RAD51B: variants seen among roughly 807,000 people sequenced by gnomAD.
The protein encoded by RAD51B is RAD51 paralog B, also known as DNA repair protein RAD51 homolog 2.
RAD51B carries 38 observed loss-of-function variants against 42.2 expected under a neutral mutation model. That is an observed-to-expected ratio of 0.90 (90% CI 0.70 to 1.18). RAD51B has a LOEUF of 1.18. Among genes scored for constraint, RAD51B ranks in the 50% most tolerant of loss-of-function variants. RAD51B has a pLI of 0.00. For synonymous variants in RAD51B, 154 were observed against 145.2 expected (o/e 1.06, Z -0.43); for missense variants, 373 against 400.7 (o/e 0.93, Z 0.59).
At chr14:68,109,025 T>C (rs1402524771) in intron 7 of RAD51B, among the ~76,000 whole-genome samples, 1 of 151,994 alleles carries the variant, frequency 6.6e-6, no homozygotes, top group Non-Finnish European at 1.5e-5. Context: ...CAGAGCAATA[T>C]GATATATTTT....
intron 7 of RAD51B, among the ~76,000 whole-genome samples, chr14:67,947,058 G>A (rs2045420677): frequency 6.6e-6 from 1 of 152,160 alleles, no homozygotes; most frequent in Admixed American, 6.5e-5. Flanking sequence ...TAGGGTTGTG[G>A]TGAGGATTAG....
chr14:68,069,687 G>A (rs2076710378), intron 7 of RAD51B: 1 of 152,040 alleles, frequency 6.6e-6, no homozygotes, highest in Non-Finnish European at 1.5e-5. Context: ...ATCTACCATT[G>A]CTGTGCATCT....
At chr14:68,298,420 C>T (rs2081654734) in intron 8 of RAD51B, among the ~76,000 whole-genome samples, 1 of 152,140 alleles carries the variant, frequency 6.6e-6, no homozygotes, top group Admixed American at 6.5e-5. Context: ...CAAAAGGAGG[C>T]ACATTTGAAG....
chr14:68,338,169 G>A (rs867633480), intron 8 of RAD51B, among the ~76,000 whole-genome samples: 13 of 152,020 alleles, frequency 8.6e-5, no homozygotes, highest in Admixed American at 2.6e-4. Flanking sequence ...AAGGAATCAC[G>A]AGACTCTCAC....
At chr14:68,388,074 G>GTATA (rs1195024727) in intron 8 of RAD51B, among the ~76,000 whole-genome samples, 6 of 118,664 alleles carry the variant, frequency 5.1e-5, no homozygotes, top group South Asian at 2.4e-4. Flanking sequence ...GTGTGTGTGT[G>GTATA]TGTGTATATA....
At chr14:67,853,033 A>G (rs544603281) in intron 4 of RAD51B, among the ~76,000 whole-genome samples, 1 of 152,346 alleles carries the variant, frequency 6.6e-6, no homozygotes, top group South Asian at 2.1e-4. Flanking sequence ...GGGAAGGAAG[A>G]AAAGCTTAAA....
chr14:67,976,368 T>A (rs770654921), intron 7 of RAD51B, among the ~76,000 whole-genome samples: 137 of 152,114 alleles, frequency 9.0e-4, no homozygotes, highest in Non-Finnish European at 5.3e-4. Flanking sequence ...TCCTCTCATG[T>A]TGGCCTCCCA....
intron 10 of RAD51B, among the ~76,000 whole-genome samples, chr14:68,528,714 C>T: frequency 5.0e-5 from 1 of 20,062 alleles, no homozygotes; most frequent in Non-Finnish European, 1.0e-4. Context: ...GCTCTGTCGC[C>T]CAGGCCGGAC....
At chr14:68,659,009 A>AGGGAGGAAAGGC (rs1892879229) in intron 11 of RAD51B, among the ~76,000 whole-genome samples, 1 of 152,146 alleles carries the variant, frequency 6.6e-6, no homozygotes, top group Non-Finnish European at 1.5e-5. Context: ...GGCTGGCGGG[A>AGGGAGGAAAGGC]TGGTCTCTCC....
At chr14:68,546,712 G>A (rs938812177) in intron 10 of RAD51B, among the ~76,000 whole-genome samples, 1 of 152,126 alleles carries the variant, frequency 6.6e-6, no homozygotes, top group African/African-American at 2.4e-5. Context: ...GAGGAGCTGG[G>A]GGGAGGAGAC....
chr14:68,614,462 G>A (rs10143415), downstream of RAD51B, among the ~76,000 whole-genome samples: 30,866 of 151,836 alleles, frequency 0.2, 3,682 homozygotes, highest in African/African-American at 0.33. Context: ...ATCTAGTTCC[G>A]AATATTTTCA....
At chr14:68,569,300 A>T (rs1177708578) in intron 10 of RAD51B, among the ~76,000 whole-genome samples, 3 of 152,164 alleles carry the variant, frequency 2.0e-5, no homozygotes, top group Non-Finnish European at 4.4e-5. Flanking sequence ...CAACTTAAGG[A>T]GTAAAGGCCT....
At chr14:68,652,181 G>C (rs147836395) in intron 11 of RAD51B, among the ~76,000 whole-genome samples, 1 of 152,248 alleles carries the variant, frequency 6.6e-6, no homozygotes, top group East Asian at 1.9e-4. Flanking sequence ...TTCCCCCCTT[G>C]CACAAATTAT....
At chr14:68,060,035 G>A (rs969840029) in intron 7 of RAD51B, among the ~76,000 whole-genome samples, 3 of 152,164 alleles carry the variant, frequency 2.0e-5, no homozygotes, top group African/African-American at 7.2e-5. Context: ...GCCAGAGGAA[G>A]AATAAGGTCT....
intron 10 of RAD51B, among the ~76,000 whole-genome samples, chr14:68,474,222 G>T (rs1418803323): frequency 7.6e-6 from 1 of 131,204 alleles, no homozygotes; most frequent in Non-Finnish European, 1.6e-5. Flanking sequence ...GCTGGTCAGA[G>T]TGTCTACACG....
intron 10 of RAD51B, among the ~76,000 whole-genome samples, chr14:68,513,057 A>G (rs758815263): frequency 2.2e-4 from 33 of 152,186 alleles, no homozygotes; most frequent in Non-Finnish European, 4.1e-4. Flanking sequence ...GACAACTGTG[A>G]TACATTAGGT....
intron 7 of RAD51B, among the ~76,000 whole-genome samples, chr14:68,242,130 G>A (rs953417943): frequency 3.3e-5 from 5 of 152,102 alleles, no homozygotes; most frequent in African/African-American, 4.8e-5. Flanking sequence ...ACTAATCTTC[G>A]GCATAAACCC....
At position 68,670,183 on chromosome 14, in the gene RAD51B, G is replaced by T. The variant is rs149768225; in HGVS notation, c.*11+19327G>T. 4.6e-5 allele frequency among the ~76,000 whole-genome samples: 7 copies of T among 152,302 alleles called. No individual in the cohort carries two copies. The East Asian group carries it at 1.3e-3, about 29-fold the overall frequency. On this transcript the variant is annotated intron_variant, in intron 11 of 11. Coordinates refer to the RAD51B transcript ENST00000488612. The stretch of plus-strand genomic sequence containing the variant: ...ACCAGGCCGACCCTTCCTTGTGACG[G>T]GAAGTTTGGGATTGGAACCGTCCGT...
intron 7 of RAD51B, among the ~76,000 whole-genome samples, chr14:67,974,159 A>G (rs1050098662): frequency 1.3e-5 from 2 of 152,104 alleles, no homozygotes; most frequent in Non-Finnish European, 1.5e-5. Context: ...TACAAAAGAA[A>G]TGAAGACCTT....
Sources: gnomAD v4.1 joint callset for allele counts (sites outside exome capture counted in the v4.1 genomes callset) on GRCh38, gnomAD v4.1.1 for gene constraint, MANE v1.5 for transcripts, NCBI Gene and HGNC (gene_info 2026-07-23, HGNC 2026-07-21) for gene names.